The following NFIA variants were observed in gnomAD, a reference collection of about 807,000 sequenced individuals.
The protein encoded by NFIA is nuclear factor I A, also known as nuclear factor 1 A-type.
In NFIA, 8 loss-of-function variants were observed where a neutral mutation model predicts 62.8. The observed-to-expected ratio is 0.13, with a 90% CI of 0.07 to 0.23. The LOEUF (loss-of-function observed/expected upper bound fraction) is 0.23, where lower values mean the gene tolerates loss of function less well. Among genes scored for constraint, NFIA ranks in the 10% least tolerant of loss-of-function variants. The pLI is 1.00. For missense variants in NFIA, 410 were observed against 642.1 expected, an observed-to-expected ratio of 0.64 and a Z score of 3.91; for synonymous variants, 235 against 238.1, an observed-to-expected ratio of 0.99 and a Z score of 0.12.
chr1:61,265,175 G>T (rs1306147355), intron 2 of NFIA, among the ~76,000 whole-genome samples: 1 of 152,154 alleles, frequency 6.6e-6, no homozygotes, highest in African/African-American at 2.4e-5. Flanking sequence ...CTTTTAGCAT[G>T]TTCCACTGTT....
intron 3 of NFIA, among the ~76,000 whole-genome samples, chr1:61,319,666 A>G (rs1033278921): frequency 1.3e-5 from 2 of 152,100 alleles, no homozygotes; most frequent in African/African-American, 4.8e-5. Flanking sequence ...TACAAAAAGG[A>G]GCGAAGGTTT....
chr1:61,231,844 T>TA (rs372305459), intron 2 of NFIA, among the ~76,000 whole-genome samples: 3 of 147,064 alleles, frequency 2.0e-5, no homozygotes, highest in Non-Finnish European at 4.5e-5. Flanking sequence ...TGCCTCAGTG[T>TA]AAAAAACAAA....
intron 10 of NFIA, among the ~76,000 whole-genome samples, chr1:61,447,936 A>C (rs751169147): frequency 9.2e-5 from 14 of 152,172 alleles, no homozygotes; most frequent in Admixed American, 2.6e-4. Context: ...AGAGCTGTTG[A>C]TCAAGCATAA....
At chr1:61,295,120 C>A (rs1475392344) in intron 3 of NFIA, among the ~76,000 whole-genome samples, 3 of 152,206 alleles carry the variant, frequency 2.0e-5, no homozygotes, top group African/African-American at 7.2e-5. Context: ...CTTCCGTCTA[C>A]GTCACCACCA....
chr1:61,101,045 G>T (rs950728604), intron 2 of NFIA, among the ~76,000 whole-genome samples: 3 of 150,372 alleles, frequency 2.0e-5, no homozygotes, highest in South Asian at 2.1e-4. Flanking sequence ...AAATATTTTT[G>T]TAAATGTAAA....
chr1:61,436,741 A>G (rs191613822), intron 10 of NFIA, among the ~76,000 whole-genome samples: 3 of 152,222 alleles, frequency 2.0e-5, no homozygotes, highest in East Asian at 3.9e-4. Context: ...TAGCCTTTCT[A>G]TTGAGTCTGT....
intron 4 of NFIA, among the ~76,000 whole-genome samples, chr1:61,340,422 T>G (rs1205588235): frequency 6.6e-6 from 1 of 152,236 alleles, no homozygotes; most frequent in African/African-American, 2.4e-5. Context: ...TTAACCCCTC[T>G]TGGCTGTGTT....
intron 2 of NFIA, among the ~76,000 whole-genome samples, chr1:61,207,607 T>G (rs774461645): frequency 6.6e-6 from 1 of 152,144 alleles, no homozygotes; most frequent in Non-Finnish European, 1.5e-5. Context: ...CTGTGAGCAC[T>G]CATCTTTGAC....
intron 6 of NFIA, among the ~76,000 whole-genome samples, chr1:61,369,210 G>T (rs1663757694): frequency 6.6e-6 from 1 of 152,148 alleles, no homozygotes; most frequent in Admixed American, 6.6e-5. Context: ...CTCAAGAAGT[G>T]CATATACAAA....
At chr1:61,281,996 CAAAA>C (rs1047906978) in intron 3 of NFIA, among the ~76,000 whole-genome samples, 2 of 151,394 alleles carry the variant, frequency 1.3e-5, no homozygotes, top group Non-Finnish European at 2.9e-5. Flanking sequence ...AACAAACAAA[CAAAA>C]AAAACAAAAA....
intron 9 of NFIA, among the ~76,000 whole-genome samples, chr1:61,411,827 C>T (rs1666118038): frequency 6.6e-6 from 1 of 151,182 alleles, no homozygotes; most frequent in Admixed American, 6.6e-5. Flanking sequence ...AGCAAGGATG[C>T]AGTAGGAGGA....
chr1:61,081,319 C>G (rs1002446622), upstream of NFIA, among the ~76,000 whole-genome samples: 2 of 151,942 alleles, frequency 1.3e-5, no homozygotes. Flanking sequence ...AACCACCCCC[C>G]TCTTTTCTGC....
chr1:61,111,245 A>G (rs990444544), intron 2 of NFIA, among the ~76,000 whole-genome samples: 2 of 152,168 alleles, frequency 1.3e-5, no homozygotes, highest in Admixed American at 6.5e-5. Flanking sequence ...TTTTCTTTTT[A>G]TAAGTTGCCA....
At chr1:61,398,570 T>C (rs1665399839) in intron 7 of NFIA, among the ~76,000 whole-genome samples, 1 of 152,228 alleles carries the variant, frequency 6.6e-6, no homozygotes, top group Non-Finnish European at 1.5e-5. Context: ...ATGTCATATA[T>C]TTCTCTCAAT....
chr1:61,414,005 C>A (rs1263133012), intron 9 of NFIA, among the ~76,000 whole-genome samples: 1 of 143,340 alleles, frequency 7.0e-6, no homozygotes, highest in Non-Finnish European at 1.5e-5. Context: ...CTTTCTGCAA[C>A]AGAGTCTTGT....
chr1:61,139,885 A>G (rs989667489), intron 2 of NFIA, among the ~76,000 whole-genome samples: 4 of 151,174 alleles, frequency 2.6e-5, no homozygotes, highest in Non-Finnish European at 4.4e-5. Flanking sequence ...TACCAAAAAA[A>G]AAAAAAAAAA....
At chr1:61,207,725 C>T (rs1652987526) in intron 2 of NFIA, among the ~76,000 whole-genome samples, 1 of 152,222 alleles carries the variant, frequency 6.6e-6, no homozygotes, top group African/African-American at 2.4e-5. Context: ...AGTGAAAAGC[C>T]TTCTCTGGTG....
chr1:61,191,064 G>A (rs1157445983), intron 2 of NFIA, among the ~76,000 whole-genome samples: 2 of 151,396 alleles, frequency 1.3e-5, no homozygotes, highest in African/African-American at 2.4e-5. Context: ...AAGCAAGCAA[G>A]GGTAGCCTAT....
intron 3 of NFIA, among the ~76,000 whole-genome samples, chr1:61,278,572 G>A (rs766872365): frequency 9.2e-5 from 14 of 152,132 alleles, no homozygotes; most frequent in Middle Eastern, 3.4e-3. Flanking sequence ...GGCAGATCAC[G>A]AGGTCAGGAG....
Sources: allele counts gnomAD v4.1 joint callset (sites outside exome capture counted in the v4.1 genomes callset), GRCh38; gene constraint gnomAD v4.1.1; transcripts MANE v1.5; gene names NCBI Gene and HGNC (gene_info 2026-07-23, HGNC 2026-07-21).